PTPRN2: variants seen among roughly 807,000 people sequenced by gnomAD.
PTPRN2 encodes receptor-type tyrosine-protein phosphatase N2.
In PTPRN2, 74 loss-of-function variants were observed where a neutral mutation model predicts 118.8. That is an observed-to-expected ratio of 0.62 (90% CI 0.52 to 0.76). The LOEUF (loss-of-function observed/expected upper bound fraction) is 0.76. PTPRN2 is among the 30% of genes least tolerant of loss of function. The pLI is 0.00. For missense variants in PTPRN2, 1,481 were observed against 1,394.4 expected (o/e 1.06, Z -0.99); for synonymous variants, 641 against 608.0 (o/e 1.05, Z -0.80).
chr7:158,351,021 C>T (rs36042060), intron 2 of PTPRN2, among the ~76,000 whole-genome samples: 2,617 of 152,292 alleles, frequency 0.017, 53 homozygotes, highest in South Asian at 0.11. Flanking sequence ...CAGAGAACAA[C>T]GGCACACCTG....
intron 4 of PTPRN2, among the ~76,000 whole-genome samples, chr7:158,194,440 G>A (rs1248624755): frequency 1.3e-5 from 2 of 152,342 alleles, no homozygotes; most frequent in Non-Finnish European, 2.9e-5. Flanking sequence ...CTGTGAACCT[G>A]CCGCCCTCAG....
intron 11 of PTPRN2, among the ~76,000 whole-genome samples, chr7:157,931,554 G>A (rs936982353): frequency 3.3e-5 from 5 of 152,184 alleles, no homozygotes; most frequent in African/African-American, 9.7e-5. Flanking sequence ...ACATGCCTTC[G>A]TGTGGGGCTA....
intron 3 of PTPRN2, among the ~76,000 whole-genome samples, chr7:158,278,686 G>A (rs983978347): frequency 6.6e-6 from 1 of 152,238 alleles, no homozygotes; most frequent in African/African-American, 2.4e-5. Flanking sequence ...AGTTTTTAAA[G>A]ATGGTGTGTC....
At chr7:158,106,158 A>G (rs1017223073) in intron 10 of PTPRN2, among the ~76,000 whole-genome samples, 1 of 150,172 alleles carries the variant, frequency 6.7e-6, no homozygotes, top group Non-Finnish European at 1.5e-5. Flanking sequence ...GCTTCATCCC[A>G]TCTCCATTTC....
chr7:158,411,053 A>T (rs1814041048), intron 2 of PTPRN2, among the ~76,000 whole-genome samples: 1 of 151,760 alleles, frequency 6.6e-6, no homozygotes, highest in Non-Finnish European at 1.5e-5. Context: ...TGCCCCTGCG[A>T]ACCCGGGGCC....
chr7:157,887,405 C>T (rs1796515861), intron 12 of PTPRN2, among the ~76,000 whole-genome samples: 1 of 139,782 alleles, frequency 7.2e-6, no homozygotes, highest in Non-Finnish European at 1.6e-5. Flanking sequence ...TGCCCACTCC[C>T]CCCAGTACCC....
In PTPRN2 at chr7:158,510,502, T is replaced by C. The variant is rs539199708; in HGVS notation, c.113-20717A>G. On this transcript the variant is annotated intron_variant, in intron 1 of 22. Coordinates refer to ENST00000389418, the MANE Select transcript of PTPRN2 (RefSeq NM_002847.5). ...TCACCCAGAGTCCAGGCTAAGACCA[T>C]CTCACTCTCTTCAGTTTTTATCTTT... 3.3e-5 allele frequency among the ~76,000 whole-genome samples: 5 copies of C among 152,226 alleles called. No individual in the cohort carries two copies. The East Asian group carries it at 9.7e-4, about 29-fold the overall frequency.
intron 8 of PTPRN2, among the ~76,000 whole-genome samples, chr7:158,135,409 T>C (rs1818724305): frequency 6.6e-6 from 1 of 152,182 alleles, no homozygotes; most frequent in South Asian, 2.1e-4. Context: ...AAGCATAATA[T>C]TGTCACTTAA....
chr7:157,812,620 A>C (rs1485331311), intron 12 of PTPRN2, among the ~76,000 whole-genome samples: 2 of 152,194 alleles, frequency 1.3e-5, no homozygotes, highest in Non-Finnish European at 2.9e-5. Flanking sequence ...GAAAGCTGTA[A>C]GCGAGAGAGA....
chr7:158,195,111 GC>G (rs1417457492), intron 4 of PTPRN2, among the ~76,000 whole-genome samples: 2 of 152,198 alleles, frequency 1.3e-5, no homozygotes, highest in Non-Finnish European at 2.9e-5. Context: ...GGCTTTACCA[GC>G]CCTGGTCATG....
intron 16 of PTPRN2, among the ~76,000 whole-genome samples, chr7:157,599,741 A>T (rs1364875168): frequency 2.0e-5 from 3 of 152,190 alleles, no homozygotes; most frequent in Non-Finnish European, 2.9e-5. Context: ...TCTTAAGAGG[A>T]TCTGGCCAGC....
In PTPRN2 at chr7:158,526,147, G is replaced by T. The variant is rs1009968235; in HGVS notation, c.113-36362C>A. ...ACAGCTTCTGAAAGGGCCCGCTCTG[G>T]GGGGAGCCACATCAGGCAGACACAC... On this transcript the variant is annotated intron_variant, in intron 1 of 22. Coordinates refer to ENST00000389418, the MANE Select transcript of PTPRN2 (RefSeq NM_002847.5). This position sits in a 1 kb window ranked among gnomAD's most constrained non-coding sequence, Gnocchi z 5.2. 2.0e-5 allele frequency among the ~76,000 whole-genome samples: 3 copies of T among 152,184 alleles called. No individual in the cohort carries two copies. Among genetic ancestry groups the T allele is most frequent in the African/African-American group, 4.8e-5 (2 of 41,466 alleles).
intron 10 of PTPRN2, among the ~76,000 whole-genome samples, chr7:158,105,392 G>C (rs549364585): frequency 7.7e-6 from 1 of 130,426 alleles, no homozygotes; most frequent in Non-Finnish European, 1.6e-5. Context: ...CATCCCAACT[G>C]TGCTCAGCTC....
intron 1 of PTPRN2, among the ~76,000 whole-genome samples, chr7:158,577,401 C>T (rs1284109527): frequency 6.9e-6 from 1 of 144,252 alleles, no homozygotes; most frequent in Admixed American, 6.8e-5. Flanking sequence ...CCCCACCCTG[C>T]CTGATGCCAC....
At chr7:158,395,002 G>A (rs1812236367) in intron 2 of PTPRN2, among the ~76,000 whole-genome samples, 1 of 152,228 alleles carries the variant, frequency 6.6e-6, no homozygotes, top group Non-Finnish European at 1.5e-5. Context: ...CACGACACCT[G>A]GGCCAACCAG....
chr7:158,015,871 G>A lies in PTPRN2; in HGVS notation c.1723+65427C>T, dbSNP rs1438879722. Reference sequence around the variant, plus strand: ...ACGGAAGCCGCGATCGAGGAGGAGGGGGAACAAAAGGGTCAGCTTCCGCTA... The same window carrying A: ...ACGGAAGCCGCGATCGAGGAGGAGGAGGAACAAAAGGGTCAGCTTCCGCTA... On this transcript the variant is annotated intron_variant, in intron 11 of 22. Transcript: ENST00000389418. This position sits in a 1 kb window ranked among gnomAD's most constrained non-coding sequence, Gnocchi z 4.2. 6.6e-6 allele frequency among the ~76,000 whole-genome samples: 1 copy of A among 152,298 alleles called. No individual in the cohort carries two copies. Among genetic ancestry groups the A allele is most frequent in the South Asian group, 2.1e-4 (1 of 4,826 alleles).
chr7:158,199,789 A>T (rs1020686333), intron 4 of PTPRN2, among the ~76,000 whole-genome samples: 1 of 146,092 alleles, frequency 6.8e-6, no homozygotes, highest in Non-Finnish European at 1.5e-5. Flanking sequence ...CCCAGGGTCC[A>T]TCTGGTGAAG....
chr7:158,147,345 T>A (rs1424184181), intron 6 of PTPRN2, among the ~76,000 whole-genome samples: 1 of 89,468 alleles, frequency 1.1e-5, no homozygotes, highest in Non-Finnish European at 2.1e-5. Flanking sequence ...CGACACCCCA[T>A]CTCACGCCAC....
At chr7:158,057,067 T>C (rs781280722) in intron 11 of PTPRN2, among the ~76,000 whole-genome samples, 10 of 152,228 alleles carry the variant, frequency 6.6e-5, no homozygotes, top group South Asian at 2.1e-4. Context: ...TCTGTGGTTA[T>C]TGGCAACTCG....
Sources: gnomAD v4.1 joint callset for allele counts (sites outside exome capture counted in the v4.1 genomes callset) on GRCh38, gnomAD v4.1.1 for gene constraint, Gnocchi (gnomAD v3.1) non-coding constraint, MANE v1.5 for transcripts, NCBI Gene and HGNC (gene_info 2026-07-23, HGNC 2026-07-21) for gene names.